The following GRID1 variants were observed in gnomAD, a reference collection of about 807,000 sequenced individuals.
The protein encoded by GRID1 is glutamate receptor ionotropic, delta-1.
Under a neutral mutation model 98.0 loss-of-function variants are expected in GRID1, and 28 were observed. The ratio of observed to expected loss-of-function variants is 0.29; its 90% confidence interval spans 0.21 to 0.39. GRID1 has a LOEUF of 0.39. Ranked by LOEUF, GRID1 falls within the 10% of genes least tolerant of loss-of-function variation. The pLI is 1.00. For missense variants in GRID1, 1,111 were observed against 1,340.5 expected, an observed-to-expected ratio of 0.83 and a Z score of 2.67; for synonymous variants, 553 against 538.5, an observed-to-expected ratio of 1.03 and a Z score of -0.37.
At chr10:85,754,596 C>G (rs943701211) in intron 8 of GRID1, among the ~76,000 whole-genome samples, 1 of 152,092 alleles carries the variant, frequency 6.6e-6, no homozygotes, top group African/African-American at 2.4e-5. Flanking sequence ...CATTACTGAT[C>G]AAAGAAAGAG....
chr10:86,083,354 C>T (rs1388869273), intron 4 of GRID1, among the ~76,000 whole-genome samples: 1 of 152,070 alleles, frequency 6.6e-6, no homozygotes, highest in Admixed American at 6.5e-5. Flanking sequence ...ATCTTCTAAG[C>T]CCAGCGTGGT....
chr10:85,877,749 C>G (rs1840918771), intron 5 of GRID1, among the ~76,000 whole-genome samples: 1 of 152,188 alleles, frequency 6.6e-6, no homozygotes, highest in African/African-American at 2.4e-5. Context: ...TCCTCACCAG[C>G]AACGGAACAA....
At chr10:86,002,629 C>T (rs1363201721) in intron 4 of GRID1, among the ~76,000 whole-genome samples, 1 of 152,158 alleles carries the variant, frequency 6.6e-6, no homozygotes, top group Non-Finnish European at 1.5e-5. Flanking sequence ...CAGACTCAGC[C>T]ACATGTCCTA....
chr10:85,870,346 G>A (rs1217080110), intron 5 of GRID1, among the ~76,000 whole-genome samples: 3 of 152,144 alleles, frequency 2.0e-5, no homozygotes, highest in East Asian at 1.9e-4. Context: ...TCAGGCCTTC[G>A]GCCACAGGCT....
chr10:86,010,035 C>A (rs2131880429), intron 4 of GRID1, among the ~76,000 whole-genome samples: 1 of 142,980 alleles, frequency 7.0e-6, no homozygotes, highest in East Asian at 2.1e-4. Flanking sequence ...GGATCCAGGG[C>A]AAAAATAGCC....
intron 4 of GRID1, among the ~76,000 whole-genome samples, chr10:85,998,526 T>TA (rs913111291): frequency 1.3e-5 from 2 of 151,630 alleles, no homozygotes; most frequent in African/African-American, 4.8e-5. Context: ...ATACTTATAC[T>TA]AAAAAAAAGA....
chr10:85,794,114 ATC>A (rs1365780828), intron 8 of GRID1, among the ~76,000 whole-genome samples: 1 of 152,188 alleles, frequency 6.6e-6, no homozygotes, highest in Non-Finnish European at 1.5e-5. Flanking sequence ...TGCTGAATTA[ATC>A]TCTCTGTCAG....
intron 5 of GRID1, among the ~76,000 whole-genome samples, chr10:85,915,886 C>G (rs74480258): frequency 6.6e-6 from 1 of 152,280 alleles, no homozygotes; most frequent in East Asian, 1.9e-4. Context: ...ATTGCTCCAG[C>G]CCCTGGCTCC....
intron 4 of GRID1, among the ~76,000 whole-genome samples, chr10:85,929,707 A>G (rs1169930539): frequency 6.6e-6 from 1 of 152,208 alleles, no homozygotes; most frequent in Non-Finnish European, 1.5e-5. Context: ...AGGCAGAATT[A>G]AAAGCCTTCT....
At chr10:86,335,854 T>C (rs1848214272) in intron 2 of GRID1, among the ~76,000 whole-genome samples, 1 of 152,220 alleles carries the variant, frequency 6.6e-6, no homozygotes, top group Non-Finnish European at 1.5e-5. Context: ...CTAAAGCTCA[T>C]GAAAGAACCC....
chr10:86,137,414 C>G (rs557018804), intron 4 of GRID1, among the ~76,000 whole-genome samples: 12 of 152,162 alleles, frequency 7.9e-5, no homozygotes, highest in Non-Finnish European at 1.6e-4. Context: ...TCTTTCCACC[C>G]CCAAGCTTCA....
At position 86,206,572 on chromosome 10, in the gene GRID1, G is replaced by A; in HGVS notation, c.312C>T (p.Ser104=). ...GTGGGATGTGCATGGCATCCGTGAG[G>A]GACTGCAGGGCATTGGCAGATGCAC... is the stretch of plus-strand genomic sequence containing the variant. ...TGCASANALQ[S]LTDAMHIPHL... The change falls in exon 3 of 16, where the codon TCC becomes TCT. Residue 104 remains serine (S), a synonymous_variant. Coordinates refer to ENST00000327946, the MANE Select transcript of GRID1 (RefSeq NM_017551.3). This position sits in a 1 kb window ranked among gnomAD's most constrained non-coding sequence, Gnocchi z 4.1. 9 of 1,614,196 alleles carry A rather than the reference G, an allele frequency of 5.6e-6. No individual in the cohort carries two copies. The highest frequency in any genetic ancestry group is 6.8e-6 in the Non-Finnish European group (8 of 1,180,036).
chr10:86,048,633 C>T (rs942770244), intron 4 of GRID1, among the ~76,000 whole-genome samples: 1 of 152,238 alleles, frequency 6.6e-6, no homozygotes, highest in South Asian at 2.1e-4. Context: ...GGCCTCTCCC[C>T]TCTGGAGCCA....
At position 85,602,889 on chromosome 10, in the gene GRID1, G is replaced by C. The variant is rs546029419; in HGVS notation, c.2602-188C>G. Among the ~76,000 whole-genome samples the C allele has an allele frequency of 2.3e-3, 346 of 152,214 alleles. 2 individuals carry two copies. The highest frequency in any genetic ancestry group is 8.0e-3 in the African/African-American group (332 of 41,522). On this transcript the variant is annotated intron_variant, in intron 15 of 15. Transcript: ENST00000327946. ...ACCCTCAGTTATCTGGAGAAGCCAGGGGGGAGACATGATCCCTATGTAGCA... is the reference window on the plus strand; with the variant it reads ...ACCCTCAGTTATCTGGAGAAGCCAGCGGGGAGACATGATCCCTATGTAGCA...
intron 4 of GRID1, among the ~76,000 whole-genome samples, chr10:86,129,716 A>T (rs1449117436): frequency 1.3e-5 from 2 of 152,202 alleles, no homozygotes; most frequent in Non-Finnish European, 2.9e-5. Context: ...CCACCCAGGA[A>T]GCTCATCTGC....
At chr10:86,264,458 C>G (rs937253776) in intron 2 of GRID1, among the ~76,000 whole-genome samples, 10 of 152,166 alleles carry the variant, frequency 6.6e-5, no homozygotes, top group African/African-American at 2.4e-4. Flanking sequence ...TGGATGTGGG[C>G]CCCCCTTGGA....
chr10:86,200,277 T>C (rs77660484), intron 3 of GRID1, among the ~76,000 whole-genome samples: 2,310 of 152,280 alleles, frequency 0.015, 70 homozygotes, highest in African/African-American at 0.052. Context: ...AAGCACCTGC[T>C]TAAATGTCAC....
chr10:86,135,436 G>C (rs1023428974), intron 4 of GRID1, among the ~76,000 whole-genome samples: 6 of 149,746 alleles, frequency 4.0e-5, no homozygotes, highest in Non-Finnish European at 8.9e-5. Context: ...CCAGGCCTGG[G>C]ATCCGGAGAC....
At chr10:86,293,283 G>A (rs928628071) in intron 2 of GRID1, among the ~76,000 whole-genome samples, 1 of 152,162 alleles carries the variant, frequency 6.6e-6, no homozygotes, top group Middle Eastern at 3.2e-3. Flanking sequence ...GGAGGGAGAA[G>A]GAGCCATCGC....
Sources: allele counts gnomAD v4.1 joint callset (sites outside exome capture counted in the v4.1 genomes callset), GRCh38; gene constraint gnomAD v4.1.1; non-coding constraint Gnocchi (gnomAD v3.1); transcripts MANE v1.5; gene names NCBI Gene and HGNC (gene_info 2026-07-23, HGNC 2026-07-21).